Variants in SCAPER observed in about 807,000 individuals in gnomAD.
SCAPER encodes the protein S-phase cyclin A associated protein in the ER.
Under a neutral mutation model 182.2 loss-of-function variants are expected in SCAPER, and 98 were observed. The observed-to-expected ratio is 0.54, with a 90% CI of 0.46 to 0.64. The LOEUF is 0.64. Ranked by LOEUF, SCAPER falls within the 30% of genes least tolerant of loss-of-function variation. The probability of loss-of-function intolerance (pLI) is 0.00; values close to 1 mark genes in which losing one functional copy is unlikely to be tolerated. For synonymous variants in SCAPER, 605 were observed against 564.6 expected (o/e 1.07, Z -1.01); for missense variants, 1,432 against 1,690.0 (o/e 0.85, Z 2.68).
At chr15:76,488,887 T>G (rs2051977927) in intron 24 of SCAPER, among the ~76,000 whole-genome samples, 1 of 151,316 alleles carries the variant, frequency 6.6e-6, no homozygotes, top group African/African-American at 2.4e-5. Flanking sequence ...CACACCCAGC[T>G]AATTTTTGTA....
chr15:76,471,093 TTCTTC>T, intron 25 of SCAPER, 114 bp downstream of exon 25: 1 of 801,788 alleles, frequency 1.2e-6, no homozygotes, highest in African/African-American at 1.8e-5. Flanking sequence ...CTTCTTCTTC[TTCTTC>T]TTTTTTTTTT....
chr15:76,428,895 A>ATATATATATATATATATATATAT (rs1432164273), intron 26 of SCAPER, among the ~76,000 whole-genome samples: 11 of 44,862 alleles, frequency 2.5e-4, no homozygotes, highest in South Asian at 8.8e-4. Context: ...TATATATATA[A>ATATATATATATATATATATATAT]ACATCAAAAT....
intron 5 of SCAPER, among the ~76,000 whole-genome samples, chr15:76,821,496 C>A (rs529293135): frequency 6.6e-6 from 1 of 152,250 alleles, no homozygotes; most frequent in South Asian, 2.1e-4. Flanking sequence ...GTGGTGCGTG[C>A]CTGTAGTCCC....
chr15:76,664,714 G>T (rs1357367227), intron 21 of SCAPER, among the ~76,000 whole-genome samples: 1 of 152,088 alleles, frequency 6.6e-6, no homozygotes, highest in Non-Finnish European at 1.5e-5. Context: ...AGAAATGAAG[G>T]TCAGTAATGC....
At chr15:76,765,723 A>G in intron 11 of SCAPER, 85 bp from the exon 12 acceptor site, 1 of 1,096,136 alleles carries the variant, frequency 9.1e-7, no homozygotes, top group South Asian at 1.4e-5. Context: ...AAAATGTCCT[A>G]CCTATTGTTA....
intron 21 of SCAPER, among the ~76,000 whole-genome samples, chr15:76,655,065 A>G (rs2055509009): frequency 6.6e-6 from 1 of 152,236 alleles, no homozygotes; most frequent in Non-Finnish European, 1.5e-5. Context: ...CTGAAATGAC[A>G]GACACAGAAT....
chr15:76,617,456 A>G (rs757408625), intron 22 of SCAPER, among the ~76,000 whole-genome samples: 2 of 152,216 alleles, frequency 1.3e-5, no homozygotes, highest in Non-Finnish European at 2.9e-5. Flanking sequence ...TCAAACAACT[A>G]TCTATTTGCT....
intron 29 of SCAPER, among the ~76,000 whole-genome samples, chr15:76,358,021 G>A (rs2041122412): frequency 6.6e-6 from 1 of 152,130 alleles, no homozygotes; most frequent in Non-Finnish European, 1.5e-5. Context: ...TACACTAAAA[G>A]CCCAGACTTC....
chr15:76,392,588 G>A (rs1365294248), intron 27 of SCAPER, among the ~76,000 whole-genome samples: 2 of 141,480 alleles, frequency 1.4e-5, no homozygotes, highest in African/African-American at 5.1e-5. Flanking sequence ...CACACACAAA[G>A]CAAAATCAGA....
chr15:76,676,396 C>A (rs147047847), intron 20 of SCAPER, among the ~76,000 whole-genome samples: 1 of 152,190 alleles, frequency 6.6e-6, no homozygotes, highest in Non-Finnish European at 1.5e-5. Flanking sequence ...TACTGGTATA[C>A]CTGCCTCTGT....
At chr15:76,392,265 T>C (rs565876600) in intron 27 of SCAPER, among the ~76,000 whole-genome samples, 11 of 152,304 alleles carry the variant, frequency 7.2e-5, no homozygotes, top group South Asian at 6.2e-4. Flanking sequence ...CTATAAGCTA[T>C]CTCAAGTTTT....
chr15:76,620,153 C>A (rs374808280), intron 22 of SCAPER, among the ~76,000 whole-genome samples: 2 of 151,926 alleles, frequency 1.3e-5, no homozygotes, highest in East Asian at 1.9e-4. Flanking sequence ...TTTATATTTT[C>A]TAAGTGGTTA....
At chr15:76,686,563 C>A (rs2058050583) in intron 20 of SCAPER, among the ~76,000 whole-genome samples, 1 of 151,894 alleles carries the variant, frequency 6.6e-6, no homozygotes, top group African/African-American at 2.4e-5. Context: ...AGGTATATAC[C>A]CAAGGAAAAC....
intron 29 of SCAPER, among the ~76,000 whole-genome samples, chr15:76,368,267 A>G (rs921490176): frequency 6.6e-6 from 1 of 152,194 alleles, no homozygotes; most frequent in African/African-American, 2.4e-5. Context: ...AGTGAAGTAA[A>G]AATGTTTGAG....
intron 5 of SCAPER, among the ~76,000 whole-genome samples, chr15:76,814,677 A>T (rs970315815): frequency 2.6e-5 from 4 of 152,226 alleles, no homozygotes; most frequent in Non-Finnish European, 5.9e-5. Context: ...AAACAAAAGG[A>T]AAAGTTCCTT....
At chr15:76,437,044 T>G (rs1280436197) in intron 25 of SCAPER, among the ~76,000 whole-genome samples, 1 of 152,170 alleles carries the variant, frequency 6.6e-6, no homozygotes, top group Non-Finnish European at 1.5e-5. Context: ...AATCACTTTG[T>G]TTTTGTATGG....
At chr15:76,512,007 CG>C (rs1399231808) in intron 23 of SCAPER, among the ~76,000 whole-genome samples, 4 of 151,342 alleles carry the variant, frequency 2.6e-5, no homozygotes, top group Non-Finnish European at 5.9e-5. Context: ...CTCAGCCTCC[CG>C]GGTAGCTGGG....
chr15:76,800,558 TA>T (rs2065705140), intron 6 of SCAPER, among the ~76,000 whole-genome samples, 194 bp from the exon 7 acceptor site: 1 of 152,184 alleles, frequency 6.6e-6, no homozygotes, highest in African/African-American at 2.4e-5. Flanking sequence ...TGAGAAATCA[TA>T]GTTGATAAAC....
chr15:76,822,818 C>T (rs933734909), intron 5 of SCAPER, among the ~76,000 whole-genome samples: 13 of 152,186 alleles, frequency 8.5e-5, no homozygotes, highest in African/African-American at 3.1e-4. Flanking sequence ...AATCTAATCA[C>T]TCCACTCCTC....
Sources: gnomAD v4.1 joint callset for allele counts (sites outside exome capture counted in the v4.1 genomes callset) on GRCh38, gnomAD v4.1.1 for gene constraint, MANE v1.5 for transcripts, NCBI Gene and HGNC (gene_info 2026-07-23, HGNC 2026-07-21) for gene names.